CCDC158: variants seen among roughly 807,000 people sequenced by gnomAD.
CCDC158 encodes coiled-coil domain-containing protein 158.
A neutral mutation model predicts 138.6 loss-of-function variants in CCDC158; 116 were observed. The ratio of observed to expected loss-of-function variants is 0.84; its 90% confidence interval spans 0.72 to 0.98. The LOEUF is 0.98. CCDC158 is among the 50% of genes least tolerant of loss of function. The pLI is 0.00. For missense variants in CCDC158, 1,265 were observed against 1,306.1 expected (o/e 0.97, Z 0.48); for synonymous variants, 436 against 442.4 (o/e 0.99, Z 0.18).
chr4:76,410,340 T>C (rs1729200040), intron 2 of CCDC158, among the ~76,000 whole-genome samples: 1 of 151,884 alleles, frequency 6.6e-6, no homozygotes, highest in South Asian at 2.1e-4. Context: ...ATGTGGCACC[T>C]TGCCCAACTA....
Position 76,328,985 on chromosome 4 carries a change from G to A in CCDC158, c.2943-18C>T, listed in dbSNP as rs1414913870. On this transcript the variant is annotated intron_variant, in intron 21 of 24. Transcript: ENST00000682701. ...CTGGCTCTCTGGAAGCATAAGAATG[G>A]TAATGCAAGCATTCCATTTCACAAA... 6.3e-7 allele frequency: 1 copy of A among 1,598,642 alleles called. No homozygotes were observed. The highest frequency in any genetic ancestry group is 2.2e-5 in the East Asian group (1 of 44,748).
chr4:76,371,582 G>A (rs1579004209), intron 9 of CCDC158, 46 bp from the exon 10 acceptor site: 2 of 1,591,202 alleles, frequency 1.3e-6, no homozygotes, highest in East Asian at 2.2e-5. Context: ...ATGACAGTGG[G>A]TAATATAAAA....
chr4:76,336,231 T>C (rs1721495868), intron 18 of CCDC158, among the ~76,000 whole-genome samples: 2 of 147,720 alleles, frequency 1.4e-5, no homozygotes, highest in African/African-American at 5.0e-5. Context: ...ACCATTCACT[T>C]AGAAATTAAT....
At chr4:76,401,494 C>T (rs142238071) in intron 3 of CCDC158, 8 of 247,214 alleles carry the variant, frequency 3.2e-5, no homozygotes, top group African/African-American at 1.1e-4. Context: ...TCTAAGAGAA[C>T]GCTGGCAACT....
intron 18 of CCDC158, among the ~76,000 whole-genome samples, chr4:76,341,611 T>C (rs993352993): frequency 5.3e-5 from 8 of 152,244 alleles, no homozygotes; most frequent in African/African-American, 1.9e-4. Flanking sequence ...ATCCTAGATA[T>C]ATTTTATTTC....
intron 24 of CCDC158, among the ~76,000 whole-genome samples, chr4:76,316,900 C>CAA (rs77150446): frequency 0.068 from 4,259 of 62,558 alleles, 477 homozygotes; most frequent in African/African-American, 0.089. Context: ...CTTTTGCAGA[C>CAA]AAAAAAAAAA....
chr4:76,316,714 G>T (rs1315540070), intron 24 of CCDC158, among the ~76,000 whole-genome samples: 1 of 151,988 alleles, frequency 6.6e-6, no homozygotes, highest in East Asian at 1.9e-4. Flanking sequence ...CAAAGTAAAA[G>T]TATCAGGTAA....
intron 2 of CCDC158, among the ~76,000 whole-genome samples, chr4:76,411,074 G>C (rs1295848411): frequency 6.6e-6 from 1 of 152,134 alleles, no homozygotes; most frequent in Non-Finnish European, 1.5e-5. Flanking sequence ...ACACATACAA[G>C]GTACCAGATA....
Position 76,313,224 on chromosome 4 carries a change from A to C in CCDC158, c.3300T>G (p.Asn1100Lys). 6.2e-7 allele frequency: 1 copy of C among 1,605,840 alleles called. No homozygotes were observed. Among genetic ancestry groups the C allele is most frequent in the Non-Finnish European group, 8.5e-7 (1 of 1,175,126 alleles). Residue 1100 changes from asparagine (N) to lysine (K), a missense_variant, in exon 25 of 25, where the codon AAT becomes AAG. Coordinates refer to ENST00000682701, the MANE Select transcript of CCDC158 (RefSeq NM_001394954.1). ...KNQAMSSMIR[N>K]QEKRIQKVKD... ...TTACTTTCTGTATCCTCTTTTCTTG[A>C]TTTCTGATCATTGAAGACATTGCTG...
chr4:76,390,940 A>T (rs1727254109), intron 4 of CCDC158, among the ~76,000 whole-genome samples: 1 of 151,984 alleles, frequency 6.6e-6, no homozygotes, highest in Non-Finnish European at 1.5e-5. Flanking sequence ...GTAACAATTT[A>T]AAATACCTAT....
intron 22 of CCDC158, among the ~76,000 whole-genome samples, chr4:76,327,767 T>C (rs1720660350): frequency 6.6e-6 from 1 of 152,192 alleles, no homozygotes; most frequent in South Asian, 2.1e-4. Context: ...TCCCATCTCT[T>C]TTTACCTTAC....
intron 18 of CCDC158, among the ~76,000 whole-genome samples, chr4:76,336,510 G>T (rs776074048): frequency 6.6e-6 from 1 of 152,086 alleles, no homozygotes. Flanking sequence ...TCTCTCTACG[G>T]CATTCTAGTA....
rs1001625994 is a variant in CCDC158 at position 76,382,686 on chromosome 4, T to C, written c.838A>G (p.Ile280Val). The change falls in exon 8 of 25, where the codon ATA (isoleucine) becomes GTA (valine). Residue 280 changes from isoleucine (I) to valine (V), a missense_variant. Transcript: ENST00000682701. ...CTAGCTTTCTCAGTAAGTCCTGTTA[T>C]TTCAACTTCATGTTCACTTATTAAC... ...EQLISEHEVE[I>V]TGLTEKASSA... 6.2e-7 allele frequency: 1 copy of C among 1,613,256 alleles called. No individual in the cohort carries two copies. Among genetic ancestry groups the C allele is most frequent in the Admixed American group, 1.7e-5 (1 of 59,996 alleles).
intron 14 of CCDC158, among the ~76,000 whole-genome samples, chr4:76,355,943 G>T (rs1723519988): frequency 6.6e-6 from 1 of 151,884 alleles, no homozygotes; most frequent in Admixed American, 6.6e-5. Context: ...ATCTTTTAAA[G>T]GGTCCAGTGA....
At position 76,379,331 on chromosome 4, in the gene CCDC158, G is replaced by A. The variant is rs375811573; in HGVS notation, c.988C>T (p.Arg330Cys). 1.5e-5 allele frequency: 24 copies of A among 1,609,486 alleles called. No individual in the cohort carries two copies. The highest frequency in any genetic ancestry group is 4.5e-5 in the East Asian group (2 of 44,668). The part of the protein sequence containing the change: ...SDLESTVSQL[R>C]SELREAKRMY... ...CTTTTGGCTTCCCTTAATTCAGAAC[G>A]TAGCTGAGAAACAGTAGATTCCAGA... Residue 330 changes from arginine to cysteine, a missense_variant, in exon 9 of 25, where the codon CGT becomes TGT. Transcript: ENST00000682701.
intron 1 of CCDC158, among the ~76,000 whole-genome samples, chr4:76,415,783 T>C (rs147726426): frequency 6.3e-4 from 96 of 152,264 alleles, no homozygotes; most frequent in African/African-American, 2.2e-3. Context: ...GGTCTAACGG[T>C]AATGCCAGTG....
intron 24 of CCDC158, among the ~76,000 whole-genome samples, chr4:76,318,602 A>G (rs964978304): frequency 1.3e-5 from 2 of 152,230 alleles, no homozygotes; most frequent in African/African-American, 2.4e-5. Context: ...ATTGGTACCC[A>G]TCTTAATGAA....
chr4:76,357,291 A>C, intron 14 of CCDC158, 83 bp downstream of exon 14: 1 of 853,204 alleles, frequency 1.2e-6, no homozygotes, highest in Non-Finnish European at 1.7e-6. Context: ...GGTGGTAGGT[A>C]ACGTATTTGA....
At chr4:76,394,654 G>A (rs1223593344) in intron 4 of CCDC158, among the ~76,000 whole-genome samples, 3 of 152,072 alleles carry the variant, frequency 2.0e-5, no homozygotes, top group Non-Finnish European at 4.4e-5. Flanking sequence ...GTAACATGAA[G>A]TATAAATGCT....
Sources: allele counts gnomAD v4.1 joint callset (sites outside exome capture counted in the v4.1 genomes callset), GRCh38; gene constraint gnomAD v4.1.1; transcripts MANE v1.5; gene names NCBI Gene and HGNC (gene_info 2026-07-23, HGNC 2026-07-21).